Variants in MAJIN observed in about 807,000 individuals in gnomAD.
MAJIN encodes the protein membrane-anchored junction protein.
MAJIN carries 27 observed loss-of-function variants against 30.2 expected under a neutral mutation model. That is an observed-to-expected ratio of 0.89 (90% CI 0.66 to 1.23). The LOEUF (loss-of-function observed/expected upper bound fraction) is 1.23, where lower values mean the gene tolerates loss of function less well. MAJIN is among the 50% of genes most tolerant of loss of function. MAJIN has a pLI of 0.00. For synonymous variants in MAJIN, 78 were observed against 91.6 expected (o/e 0.85, Z 0.85); for missense variants, 253 against 260.3 (o/e 0.97, Z 0.19).
intron 4 of MAJIN, among the ~76,000 whole-genome samples, chr11:64,951,724 C>A: frequency 7.0e-6 from 1 of 142,788 alleles, no homozygotes; most frequent in Non-Finnish European, 1.5e-5. Context: ...ATGATTGCAT[C>A]ACTGCCCTGT....
chr11:64,938,453 G>C lies in MAJIN; in HGVS notation c.*122C>G, dbSNP rs1945319853. 2 of 1,457,560 alleles carry C rather than the reference G, an allele frequency of 1.4e-6. No individual in the cohort carries two copies. Among genetic ancestry groups the C allele is most frequent in the African/African-American group, 2.8e-5 (2 of 71,238 alleles). 90.3% of individuals were successfully genotyped at this position (1,457,560 alleles called of 1,614,324 possible). A position where few individuals can be genotyped will look rare whatever the true frequency, so the allele number is the denominator to read the frequency against. Reference sequence around the variant, plus strand: ...TGAAGTGTCATAAGAAAAGGATAGAGTTGGAGGAAGAATGGCTCGGGAGGA... The same window carrying C: ...TGAAGTGTCATAAGAAAAGGATAGACTTGGAGGAAGAATGGCTCGGGAGGA... On this transcript the variant is annotated 3_prime_UTR_variant, in exon 11 of 11. Coordinates refer to ENST00000301896, the MANE Select transcript of MAJIN (RefSeq NM_001037225.3).
intron 8 of MAJIN, among the ~76,000 whole-genome samples, chr11:64,940,899 C>T (rs568032542): frequency 4.9e-5 from 6 of 123,602 alleles, no homozygotes; most frequent in East Asian, 2.8e-4. Context: ...AGTGCAGTGG[C>T]GCCATCTCAG....
rs549528920 is a variant in MAJIN at position 64,954,765 on chromosome 11, C to A, written c.139G>T (p.Glu47Ter). The A allele has an allele frequency of 6.2e-7, 1 of 1,613,696 alleles. No homozygotes were observed. Among genetic ancestry groups the A allele is most frequent in the South Asian group, 1.1e-5 (1 of 91,026 alleles). ...EIENKEVITQELEDSVRVVLG... is the reference protein window; with the variant it reads ...EIENKEVITQ Reference sequence around the variant, plus strand: ...TATGCTTCTTTCCCTACCTCCAGCTCCTGGGTGATGACTTCCTTATTTTCT... The same window carrying A: ...TATGCTTCTTTCCCTACCTCCAGCTACTGGGTGATGACTTCCTTATTTTCT... The change falls in exon 4 of 11, where the codon GAG becomes TAG. Residue 47 changes from glutamate to a stop codon, truncating the protein, a stop_gained. Transcript: ENST00000301896. LOFTEE classifies it high-confidence loss of function.
chr11:64,968,770 C>T (rs1166459033), intron 1 of MAJIN, among the ~76,000 whole-genome samples: 10 of 150,976 alleles, frequency 6.6e-5, no homozygotes, highest in East Asian at 2.0e-4. Context: ...AGGTGGAGCT[C>T]GCAGTGAGCC....
intron 1 of MAJIN, among the ~76,000 whole-genome samples, chr11:64,971,281 GC>G (rs1335211257): frequency 6.6e-6 from 1 of 152,016 alleles, no homozygotes; most frequent in Non-Finnish European, 1.5e-5. Flanking sequence ...ACAAAAATTA[GC>G]CAGGAGTGGC....
intron 8 of MAJIN, 56 bp from the exon 9 acceptor site, chr11:64,940,702 A>C: frequency 6.7e-7 from 1 of 1,488,918 alleles, no homozygotes; most frequent in Non-Finnish European, 9.4e-7. Context: ...CTGCATGGCA[A>C]TCTGAATGCT....
In MAJIN at chr11:64,949,511, T is replaced by C. The variant is rs539225982; in HGVS notation, c.349+232A>G. ...CTCAATGATATAGGTAGTAATATTA[T>C]TCTTCACCATTTCACAAGGGAGGCA... is the stretch of plus-strand genomic sequence containing the variant. On this transcript the variant is annotated intron_variant, in intron 6 of 10. Coordinates refer to ENST00000301896, the MANE Select transcript of MAJIN (RefSeq NM_001037225.3). Among the ~76,000 whole-genome samples the C allele has an allele frequency of 2.0e-4, 31 of 152,326 alleles. 1 individual carries two copies. Among genetic ancestry groups the C allele is most frequent in the African/African-American group, 7.2e-4 (30 of 41,560 alleles).
chr11:64,938,531 G>A lies in MAJIN; in HGVS notation c.*44C>T, dbSNP rs1244262042. 1 of 1,535,816 alleles carries A rather than the reference G, an allele frequency of 6.5e-7. No individual in the cohort carries two copies. Among genetic ancestry groups the A allele is most frequent in the South Asian group, 1.2e-5 (1 of 84,052 alleles). ...AGCGCTGCATTTGGAAGGCTCAAGA[G>A]TGGCTGCTCTTCCTGAAGAAATATC... On this transcript the variant is annotated 3_prime_UTR_variant, in exon 11 of 11. Transcript: ENST00000301896.
At chr11:64,957,775 C>A (rs1267614751) in intron 3 of MAJIN, among the ~76,000 whole-genome samples, 1 of 152,142 alleles carries the variant, frequency 6.6e-6, no homozygotes, top group Non-Finnish European at 1.5e-5. Context: ...CGGCTTACTG[C>A]AACCTCCACC....
chr11:64,953,127 T>A (rs1945580766), intron 4 of MAJIN, among the ~76,000 whole-genome samples: 1 of 152,214 alleles, frequency 6.6e-6, no homozygotes, highest in Non-Finnish European at 1.5e-5. Flanking sequence ...ACGTTGAATG[T>A]AAATACTCTC....
At chr11:64,948,631 ATATATATATTTTTTTTTTTTTTTTTTT>A (rs1232468005) in intron 6 of MAJIN, among the ~76,000 whole-genome samples, 10 of 40,662 alleles carry the variant, frequency 2.5e-4, no homozygotes, top group African/African-American at 1.5e-3. Context: ...ATATATATAT[ATATATATATTTTTTTTTTTTTTTTTTT>A]TTTTTTTTTT....
At chr11:64,941,531 C>T (rs1945379497) in intron 8 of MAJIN, among the ~76,000 whole-genome samples, 1 of 152,124 alleles carries the variant, frequency 6.6e-6, no homozygotes, top group South Asian at 2.1e-4. Flanking sequence ...GTGGCAGGCA[C>T]CTGTAATCTC....
intron 8 of MAJIN, chr11:64,946,237 T>C (rs2136735972): frequency 7.2e-7 from 1 of 1,395,918 alleles, no homozygotes; most frequent in Non-Finnish European, 9.6e-7. Context: ...CAAATGAATA[T>C]TTCAGCAGGT....
intron 10 of MAJIN, 21 bp downstream of exon 10, chr11:64,939,641 G>A (rs765211705): frequency 1.2e-6 from 2 of 1,601,108 alleles, no homozygotes; most frequent in Non-Finnish European, 1.7e-6. Flanking sequence ...CGAGTCTGAT[G>A]CCGGACAGAA....
At chr11:64,962,295 G>A (rs578043862) in intron 1 of MAJIN, among the ~76,000 whole-genome samples, 5 of 152,318 alleles carry the variant, frequency 3.3e-5, no homozygotes, top group South Asian at 4.1e-4. Flanking sequence ...CTGGCTGCCC[G>A]ATTCAGAAAC....
At chr11:64,961,556 A>G (rs1045517658) in intron 1 of MAJIN, among the ~76,000 whole-genome samples, 1 of 139,980 alleles carries the variant, frequency 7.1e-6, no homozygotes, top group African/African-American at 2.7e-5. Flanking sequence ...GCTCACTGCA[A>G]GCTCCACCTC....
chr11:64,942,623 G>A (rs761725447), intron 8 of MAJIN, among the ~76,000 whole-genome samples: 4 of 152,096 alleles, frequency 2.6e-5, no homozygotes, highest in African/African-American at 9.7e-5. Flanking sequence ...AATAAACTTC[G>A]GGTTAGAATG....
chr11:64,944,375 A>G (rs1222272050), intron 8 of MAJIN, among the ~76,000 whole-genome samples: 1 of 152,162 alleles, frequency 6.6e-6, no homozygotes, highest in East Asian at 1.9e-4. Flanking sequence ...TGGCACATCT[A>G]TCAGTAATTG....
intron 2 of MAJIN, 38 bp from the exon 3 acceptor site, chr11:64,959,460 G>A (rs1590703755): frequency 1.3e-6 from 2 of 1,522,350 alleles, no homozygotes; most frequent in Non-Finnish European, 1.8e-6. Flanking sequence ...AAAAGCTAAC[G>A]ATTGTTCCTT....
Sources: gnomAD v4.1 joint callset for allele counts (sites outside exome capture counted in the v4.1 genomes callset) on GRCh38, gnomAD v4.1.1 for gene constraint, MANE v1.5 for transcripts, NCBI Gene and HGNC (gene_info 2026-07-23, HGNC 2026-07-21) for gene names.